Variants in NOTCH1 observed in about 807,000 individuals in gnomAD.
The protein encoded by NOTCH1 is notch receptor 1.
NOTCH1 carries 37 observed loss-of-function variants against 254.8 expected under a neutral mutation model. The observed-to-expected ratio is 0.15, with a 90% confidence interval of 0.11 to 0.19. The LOEUF (loss-of-function observed/expected upper bound fraction) is 0.19. Ranked by LOEUF, NOTCH1 falls within the 10% of genes least tolerant of loss-of-function variation. The pLI, the probability that NOTCH1 is intolerant of heterozygous loss-of-function variation, is 1.00. For synonymous variants in NOTCH1, 1,731 were observed against 1,618.1 expected (o/e 1.07, Z -1.68); for missense variants, 2,972 against 3,708.6 (o/e 0.80, Z 5.16).
chr9:136,498,761 G>GGGGCCCACATGC, intron 33 of NOTCH1, 138 bp downstream of exon 33: 1 of 944,148 alleles, frequency 1.1e-6, no homozygotes, highest in Non-Finnish European at 1.7e-6. Context: ...TCATGCGGGT[G>GGGGCCCACATGC]GGGCCCACAT....
Position 136,497,085 on chromosome 9 carries a change from C to G in NOTCH1, c.6654G>C (p.Leu2218=). 6.2e-7 allele frequency: 1 copy of G among 1,609,742 alleles called. No individual in the cohort carries two copies. ...GAGACTGCTGGAACGGGGAGGGCAG[C>G]AGTGGCGGCGAGGCCACGTCTGACA... The part of the protein sequence containing the change: ...GYLSDVASPP[L]LPSPFQQSPS... Residue 2218 remains leucine, a synonymous_variant, in exon 34 of 34, where the codon CTG becomes CTC. Transcript: ENST00000651671.
At chr9:136,516,759 T>C (rs1843279203) in intron 9 of NOTCH1, among the ~76,000 whole-genome samples, 1 of 151,880 alleles carries the variant, frequency 6.6e-6, no homozygotes, top group African/African-American at 2.4e-5. Flanking sequence ...TCAAGGAGGA[T>C]CTCCTGGCCC....
In NOTCH1 at chr9:136,497,426, T is replaced by G; in HGVS notation, c.6313A>C (p.Met2105Leu). The change falls in exon 34 of 34, where the codon ATG becomes CTG. Residue 2105 changes from methionine (M) to leucine (L), a missense_variant. By Grantham distance (15) the Met-to-Leu change is conservative (BLOSUM62 2). Around this residue, in one of 8 missense-constraint regions of NOTCH1, gnomAD observed 529 missense variants for 529.2 expected, o/e 1.00. Coordinates refer to ENST00000651671, the MANE Select transcript of NOTCH1 (RefSeq NM_017617.5). Reference sequence around the variant, plus strand: ...AGCAGCCTCACGATGTCGTGATGCATGCGCTCCTGTGCGATGTCGCGCGGC... The same window carrying G: ...AGCAGCCTCACGATGTCGTGATGCAGGCGCTCCTGTGCGATGTCGCGCGGC... ...RLPRDIAQER[M>L]HHDIVRLLDE... The G allele has an allele frequency of 6.2e-7, 1 of 1,612,062 alleles. No individual in the cohort carries two copies. Among genetic ancestry groups the G allele is most frequent in the South Asian group, 1.1e-5 (1 of 91,084 alleles).
At position 136,506,001 on chromosome 9, in the gene NOTCH1, C is replaced by A; in HGVS notation, c.4015-120G>T. The A allele has an allele frequency of 1.2e-6, 1 of 837,338 alleles. No homozygotes were observed. The allele number at this position is 837,338 out of a possible 1,614,324, so 51.9% of individuals were successfully genotyped here. A position where few individuals can be genotyped will look rare whatever the true frequency, so the allele number is the denominator to read the frequency against. ...CTCCTCTAACCTGGGAGGCGGCCTG[C>A]AACCTTGCCCCCAGCAGCAAAACCC... On this transcript the variant is annotated intron_variant, in intron 24 of 33. Transcript: ENST00000651671. This position sits in a 1 kb window ranked among gnomAD's most constrained non-coding sequence, Gnocchi z 4.5.
Position 136,505,114 on chromosome 9 carries a change from G to T in NOTCH1, c.4587-10C>A, listed in dbSNP as rs1304952326. The T allele has an allele frequency of 1.2e-6, 2 of 1,606,016 alleles. No homozygotes were observed. Among genetic ancestry groups the T allele is most frequent in the Non-Finnish European group, 8.5e-7 (1 of 1,179,178 alleles). ...CTGGTCGTACAGGGGGCTGTGGGGG[G>T]CGGGACACGCTCAGGCCGCCTTCCT... On this transcript the variant is annotated splice_polypyrimidine_tract_variant and intron_variant, in intron 25 of 33. Coordinates refer to ENST00000651671, the MANE Select transcript of NOTCH1 (RefSeq NM_017617.5).
intron 26 of NOTCH1, 58 bp from the exon 27 acceptor site, chr9:136,503,388 G>C (rs1044547753): frequency 6.2e-7 from 1 of 1,609,626 alleles, no homozygotes; most frequent in African/African-American, 1.3e-5. Context: ...CCCGCCCACC[G>C]GCCAGGGATG....
In NOTCH1 at chr9:136,506,646, G is replaced by GT; in HGVS notation, c.3902-8dup. Reference sequence around the variant, plus strand: ...ACGGACTCGCAGCGGCGCCCTAGGGGTAAGAGCAGGGCAGTGAGAGGCTCA... The same window carrying GT: ...ACGGACTCGCAGCGGCGCCCTAGGGGTTAAGAGCAGGGCAGTGAGAGGCTCA... On this transcript the variant is annotated splice_region_variant and splice_polypyrimidine_tract_variant and intron_variant, in intron 23 of 33. Coordinates refer to ENST00000651671, the MANE Select transcript of NOTCH1 (RefSeq NM_017617.5). The surrounding 1 kb of genome is among the most constrained non-coding windows in gnomAD (Gnocchi z 4.5). 1 of 1,603,166 alleles carries GT rather than the reference G, an allele frequency of 6.2e-7. No individual in the cohort carries two copies. Among genetic ancestry groups the GT allele is most frequent in the Non-Finnish European group, 8.5e-7 (1 of 1,175,708 alleles).
rs2133331539 is a variant in NOTCH1 at position 136,502,416 on chromosome 9, A to G, written c.5240T>C (p.Leu1747Pro). The change falls in exon 28 of 34, where the codon CTG (leucine) becomes CCG (proline). Residue 1747 changes from leucine (L) to proline (P), a missense_variant. By Grantham distance (98) the Leu-to-Pro change is moderately conservative (BLOSUM62 -3). Around this residue, in one of 8 missense-constraint regions of NOTCH1, gnomAD observed 421 missense variants for 604.4 expected, o/e 0.70. Transcript: ENST00000651671. ...MYVAAAAFVL[L>P]FFVGCGVLLS... ...CAGCACCCCGCAGCCCACGAAGAAC[A>G]GAAGCACAAAGGCGGCCGCCGCCAC... 1 of 1,610,970 alleles carries G rather than the reference A, an allele frequency of 6.2e-7. No homozygotes were observed. Among genetic ancestry groups the G allele is most frequent in the Non-Finnish European group, 8.5e-7 (1 of 1,179,320 alleles).
Position 136,495,150 on chromosome 9 carries a change from A to T in NOTCH1, c.*921T>A, listed in dbSNP as rs1842897380. On this transcript the variant is annotated 3_prime_UTR_variant, in exon 34 of 34. Transcript: ENST00000651671. ...AGGTGCTGGGGCCGCCACCGGGGTC[A>T]GCCCAGGCAGTGTCTTTCCCCAGAA... 1 of 399,140 alleles carries T rather than the reference A, an allele frequency of 2.5e-6. No homozygotes were observed. The highest frequency in any genetic ancestry group is 2.1e-5 in the African/African-American group (1 of 48,778). 24.7% of individuals were successfully genotyped at this position (399,140 alleles called of 1,614,324 possible).
At chr9:136,517,656 G>A (rs1249197047) in intron 8 of NOTCH1, 96 bp downstream of exon 8, 3 of 1,476,992 alleles carry the variant, frequency 2.0e-6, no homozygotes, top group Non-Finnish European at 2.8e-6. Context: ...ATGGAGGCTG[G>A]GGAAAGCGGA....
rs931852644 is a variant in NOTCH1, at chr9:136,495,925, C to A, written c.*146G>T. ...TAAAATAAAAGTACATAAATAAATA[C>A]TAAAAAAAATTAAAATCCTCGTTCT... is the stretch of plus-strand genomic sequence containing the variant. On this transcript the variant is annotated 3_prime_UTR_variant, in exon 34 of 34. Coordinates refer to ENST00000651671, the MANE Select transcript of NOTCH1 (RefSeq NM_017617.5). 18 of 865,372 alleles carry A rather than the reference C, an allele frequency of 2.1e-5. No individual in the cohort carries two copies. The East Asian group carries it at 4.9e-4, about 23-fold the overall frequency. The allele number at this position is 865,372 out of a possible 1,614,324, so 53.6% of individuals were successfully genotyped here.
chr9:136,518,434 T>C (rs1220950432), intron 6 of NOTCH1, 142 bp from the exon 7 acceptor site: 9 of 1,209,866 alleles, frequency 7.4e-6, no homozygotes, highest in Non-Finnish European at 1.1e-5. Flanking sequence ...ACTTGGGACG[T>C]TCCGGGGGAC....
Position 136,524,083 on chromosome 9 carries a change from C to T in NOTCH1, c.141-104G>A, listed in dbSNP as rs937664073. 13 of 1,440,610 alleles carry T rather than the reference C, an allele frequency of 9.0e-6. No homozygotes were observed. In the Admixed American group the frequency reaches 2.2e-4, roughly 24 times the overall value. 89.2% of individuals were successfully genotyped at this position (1,440,610 alleles called of 1,614,324 possible). On this transcript the variant is annotated intron_variant, in intron 2 of 33. Coordinates refer to ENST00000651671, the MANE Select transcript of NOTCH1 (RefSeq NM_017617.5). Reference sequence around the variant, plus strand: ...ATGGGCACAGCCGCCTCCCCCCACACCCCGGGCACGGGCACAACGGCTGCT... The same window carrying T: ...ATGGGCACAGCCGCCTCCCCCCACATCCCGGGCACGGGCACAACGGCTGCT...
rs765929402 is a variant in NOTCH1 at position 136,508,109 on chromosome 9, C to T, written c.3356G>A (p.Gly1119Glu). 3.1e-6 allele frequency: 5 copies of T among 1,608,956 alleles called. No homozygotes were observed. In the South Asian group the frequency reaches 3.3e-5, roughly 11 times the overall value. Residue 1119 changes from glycine (G) to glutamate (E), a missense_variant, in exon 21 of 34, where the codon GGA becomes GAA. Around this residue, in one of 8 missense-constraint regions of NOTCH1, gnomAD observed 1,343 missense variants for 1,557.0 expected, o/e 0.86. Transcript: ENST00000651671. ...GTTGCCCGCGTCCACACAGAGCCCT[C>T]CATGCTGGCACAGGCGGGCAACGTC... ...GVDVARLCQH[G>E]GLCVDAGNTH...
intron 2 of NOTCH1, among the ~76,000 whole-genome samples, chr9:136,527,285 A>G (rs1241197109): frequency 6.6e-6 from 1 of 152,220 alleles, no homozygotes; most frequent in African/African-American, 2.4e-5. Context: ...GGCCTGCAGC[A>G]TGGCCATGGC....
Position 136,522,256 on chromosome 9 carries a change from C to CG in NOTCH1, c.742+593dup, listed in dbSNP as rs1843381150. Among the ~76,000 whole-genome samples, 12 of 152,304 alleles carry CG rather than the reference C, an allele frequency of 7.9e-5. No homozygotes were observed. In the South Asian group the frequency reaches 2.5e-3, roughly 32 times the overall value. The stretch of plus-strand genomic sequence containing the variant: ...CCTCCCAAAGTGCTGGGAGTACAGG[C>CG]GTGAGCCACCACGCGCGGCCGAGAC... On this transcript the variant is annotated intron_variant, in intron 4 of 33. Coordinates refer to ENST00000651671, the MANE Select transcript of NOTCH1 (RefSeq NM_017617.5).
chr9:136,495,296 C>A lies in NOTCH1; in HGVS notation c.*775G>T, dbSNP rs1842899447. On this transcript the variant is annotated 3_prime_UTR_variant, in exon 34 of 34. Transcript: ENST00000651671. Reference sequence around the variant, plus strand: ...GGGGGCCGGGGTGGTTCTGGAGGGACCAAGAACTTGTATAACCAACGAACA... The same window carrying A: ...GGGGGCCGGGGTGGTTCTGGAGGGAACAAGAACTTGTATAACCAACGAACA... The A allele has an allele frequency of 2.5e-6, 1 of 398,848 alleles. No individual in the cohort carries two copies. The highest frequency in any genetic ancestry group is 4.4e-5 in the Admixed American group (1 of 22,712). The allele number at this position is 398,848 out of a possible 1,614,324, so 24.7% of individuals were successfully genotyped here. A position where few individuals can be genotyped will look rare whatever the true frequency, so the allele number is the denominator to read the frequency against.
At chr9:136,537,012 T>C (rs1053109385) in intron 2 of NOTCH1, among the ~76,000 whole-genome samples, 1 of 152,140 alleles carries the variant, frequency 6.6e-6, no homozygotes, top group African/African-American at 2.4e-5. Context: ...CAGGGACAGG[T>C]TGTGAGCCTG....
At chr9:136,512,240 T>G (rs1843192695) in intron 15 of NOTCH1, among the ~76,000 whole-genome samples, 1 of 152,250 alleles carries the variant, frequency 6.6e-6, no homozygotes, top group East Asian at 1.9e-4. Context: ...GGTCCTTAAC[T>G]TCGGTCAAAG....
Sources: gnomAD v4.1 joint callset for allele counts (sites outside exome capture counted in the v4.1 genomes callset) on GRCh38, gnomAD v4.1.1 for gene constraint, gnomAD v4.1.1 regional missense constraint, Gnocchi (gnomAD v3.1) non-coding constraint, MANE v1.5 for transcripts, NCBI Gene and HGNC (gene_info 2026-07-23, HGNC 2026-07-21) for gene names.